The following DAB1 variants were observed in gnomAD, a reference collection of about 807,000 sequenced individuals.
The protein encoded by DAB1 is disabled homolog 1.
Under a neutral mutation model 64.6 loss-of-function variants are expected in DAB1, and 15 were observed. That is an observed-to-expected ratio of 0.23 (90% CI 0.16 to 0.36). The LOEUF (loss-of-function observed/expected upper bound fraction) is 0.36. Among genes scored for constraint, DAB1 ranks in the 10% least tolerant of loss-of-function variants. The pLI is 1.00. For missense variants in DAB1, 596 were observed against 706.7 expected (o/e 0.84, Z 1.78); for synonymous variants, 235 against 251.9 (o/e 0.93, Z 0.64).
At chr1:57,065,777 A>G (rs187703818) in intron 8 of DAB1, among the ~76,000 whole-genome samples, 1 of 152,308 alleles carries the variant, frequency 6.6e-6, no homozygotes, top group East Asian at 1.9e-4. Context: ...TGCGACTCAG[A>G]CAGTCGCTTT....
chr1:57,408,265 G>A (rs572633040), intron 1 of DAB1, among the ~76,000 whole-genome samples: 4 of 149,798 alleles, frequency 2.7e-5, no homozygotes, highest in Non-Finnish European at 5.9e-5. Context: ...GATCTAATGT[G>A]TTCATAATGC....
intron 6 of DAB1, among the ~76,000 whole-genome samples, chr1:57,696,293 A>G (rs548288800): frequency 6.6e-6 from 1 of 152,270 alleles, no homozygotes; most frequent in African/African-American, 2.4e-5. Context: ...ATCTGCAAGC[A>G]GGAGTTTTGT....
intron 1 of DAB1, among the ~76,000 whole-genome samples, chr1:57,341,037 C>T (rs921349389): frequency 6.6e-6 from 1 of 152,130 alleles, no homozygotes; most frequent in Admixed American, 6.5e-5. Context: ...CCTTATTGTG[C>T]CCAGGTGCTG....
intron 5 of DAB1, among the ~76,000 whole-genome samples, chr1:58,085,114 A>G (rs1650223508): frequency 6.6e-6 from 1 of 152,168 alleles, no homozygotes; most frequent in Non-Finnish European, 1.5e-5. Context: ...ATCCTTTTTT[A>G]TAGGTGATGT....
At chr1:57,248,790 G>T (rs1333896080) in intron 2 of DAB1, among the ~76,000 whole-genome samples, 2 of 152,096 alleles carry the variant, frequency 1.3e-5, no homozygotes, top group African/African-American at 4.8e-5. Flanking sequence ...TTAACCACAG[G>T]TATCTGCATT....
chr1:58,091,935 A>AAC (rs59390109), intron 5 of DAB1, among the ~76,000 whole-genome samples: 10,983 of 141,840 alleles, frequency 0.077, 515 homozygotes, highest in Admixed American at 0.17. Context: ...AGCTGCATTA[A>AAC]ACACACACAC....
intron 1 of DAB1, among the ~76,000 whole-genome samples, chr1:57,859,329 CCT>C (rs1653901290): frequency 6.6e-6 from 1 of 152,016 alleles, no homozygotes; most frequent in Admixed American, 6.6e-5. Flanking sequence ...GCTCCGTATC[CCT>C]CTGACTATAT....
At chr1:57,408,084 T>TG (rs1263315343) in intron 1 of DAB1, among the ~76,000 whole-genome samples, 1 of 151,964 alleles carries the variant, frequency 6.6e-6, no homozygotes, top group African/African-American at 2.4e-5. Flanking sequence ...ACAGAATGAG[T>TG]GGGTTGTTCT....
At chr1:57,205,155 C>T (rs1007650627) in intron 2 of DAB1, among the ~76,000 whole-genome samples, 10 of 152,144 alleles carry the variant, frequency 6.6e-5, no homozygotes, top group African/African-American at 2.4e-4. Context: ...AGGGGAGGCC[C>T]ATCTGTACCC....
At chr1:57,493,764 TCACACACACA>T (rs397963642) in intron 7 of DAB1, among the ~76,000 whole-genome samples, 3 of 148,142 alleles carry the variant, frequency 2.0e-5, no homozygotes, top group Non-Finnish European at 4.5e-5. Context: ...TATTCACAGC[TCACACACACA>T]CACACACACA....
At chr1:57,550,375 T>C (rs1482723360) in intron 7 of DAB1, among the ~76,000 whole-genome samples, 2 of 152,168 alleles carry the variant, frequency 1.3e-5, no homozygotes, top group Non-Finnish European at 2.9e-5. Context: ...GTTGGGTTAG[T>C]TGATCACTCA....
intron 2 of DAB1, among the ~76,000 whole-genome samples, chr1:57,258,495 T>C (rs1669936063): frequency 6.6e-6 from 1 of 152,108 alleles, no homozygotes; most frequent in Admixed American, 6.5e-5. Context: ...CCACTCTGTT[T>C]TTGTTTATCG....
chr1:57,250,885 G>A (rs560442785), intron 2 of DAB1, among the ~76,000 whole-genome samples: 29 of 152,220 alleles, frequency 1.9e-4, no homozygotes, highest in African/African-American at 6.0e-4. Flanking sequence ...CATGACTAGC[G>A]TCATCCAGAT....
At chr1:57,189,999 CA>C (rs1430827102) in intron 2 of DAB1, among the ~76,000 whole-genome samples, 2 of 152,092 alleles carry the variant, frequency 1.3e-5, no homozygotes, top group African/African-American at 4.8e-5. Flanking sequence ...GCACAGTGTT[CA>C]AATCAATGTT....
At chr1:58,213,528 T>TA (rs1186580019) in intron 4 of DAB1, among the ~76,000 whole-genome samples, 2 of 151,986 alleles carry the variant, frequency 1.3e-5, no homozygotes, top group Non-Finnish European at 2.9e-5. Flanking sequence ...GAGCCCCTTA[T>TA]AAAACCACCA....
At chr1:58,057,101 C>G (rs189884506) in intron 5 of DAB1, among the ~76,000 whole-genome samples, 4 of 152,126 alleles carry the variant, frequency 2.6e-5, no homozygotes, top group Non-Finnish European at 4.4e-5. Flanking sequence ...CCCCTCTGGC[C>G]TCACTCAACC....
At chr1:58,139,553 C>T (rs538288752) in intron 5 of DAB1, among the ~76,000 whole-genome samples, 1 of 152,272 alleles carries the variant, frequency 6.6e-6, no homozygotes, top group East Asian at 1.9e-4. Context: ...GGGGTAACTG[C>T]TCCTCTGATT....
chr1:57,571,761 A>G (rs958752793), intron 7 of DAB1, among the ~76,000 whole-genome samples: 2 of 152,196 alleles, frequency 1.3e-5, no homozygotes, highest in African/African-American at 4.8e-5. Flanking sequence ...CTCTCTGGAC[A>G]GGAATTAAAC....
intron 6 of DAB1, among the ~76,000 whole-genome samples, chr1:57,721,875 C>G (rs2101759799): frequency 6.6e-6 from 1 of 152,276 alleles, no homozygotes; most frequent in African/African-American, 2.4e-5. Context: ...AAGATCTGAA[C>G]TCCTATGTTA....
Sources: allele counts gnomAD v4.1 joint callset (sites outside exome capture counted in the v4.1 genomes callset), GRCh38; gene constraint gnomAD v4.1.1; transcripts MANE v1.5; gene names NCBI Gene and HGNC (gene_info 2026-07-23, HGNC 2026-07-21).